The following CCDC152 variants were observed in gnomAD, a reference collection of about 807,000 sequenced individuals.
CCDC152 encodes the protein coiled-coil domain-containing protein 152.
In CCDC152, 37 loss-of-function variants were observed where a neutral mutation model predicts 38.1. The ratio of observed to expected loss-of-function variants is 0.97; its 90% CI spans 0.75 to 1.28. The LOEUF (loss-of-function observed/expected upper bound fraction) is 1.28, where lower values mean the gene tolerates loss of function less well. Ranked by LOEUF, CCDC152 falls within the 50% of genes most tolerant of loss-of-function variation. The pLI is 0.00. For synonymous variants in CCDC152, 83 were observed against 87.1 expected (o/e 0.95, Z 0.26); for missense variants, 259 against 292.1 (o/e 0.89, Z 0.83).
At chr5:42,787,879 G>A (rs1759944283) in intron 6 of CCDC152, among the ~76,000 whole-genome samples, 1 of 152,134 alleles carries the variant, frequency 6.6e-6, no homozygotes. Context: ...TCAATAGATG[G>A]TTGAGTCTTG....
chr5:42,768,805 A>G (rs1759659624), intron 3 of CCDC152, among the ~76,000 whole-genome samples: 2 of 152,214 alleles, frequency 1.3e-5, no homozygotes, highest in Admixed American at 1.3e-4. Context: ...TTGCATGGAC[A>G]TACTTCTTAT....
chr5:42,772,626 G>T (rs1759714645), intron 4 of CCDC152, among the ~76,000 whole-genome samples: 1 of 144,338 alleles, frequency 6.9e-6, no homozygotes, highest in Non-Finnish European at 1.5e-5. Flanking sequence ...ACTCCAGCCT[G>T]GCTGCAGAAC....
intron 1 of CCDC152, among the ~76,000 whole-genome samples, chr5:42,758,204 CA>C (rs1386806662): frequency 6.6e-6 from 1 of 152,150 alleles, no homozygotes; most frequent in Non-Finnish European, 1.5e-5. Context: ...CAAAATATTT[CA>C]AAAGAAGAAA....
At chr5:42,784,136 A>G (rs545734562) in intron 6 of CCDC152, among the ~76,000 whole-genome samples, 3 of 152,204 alleles carry the variant, frequency 2.0e-5, no homozygotes, top group South Asian at 2.1e-4. Context: ...TTGAATAGTA[A>G]TTTTATTTTT....
At chr5:42,773,433 T>A (rs1759727782) in intron 4 of CCDC152, among the ~76,000 whole-genome samples, 1 of 152,228 alleles carries the variant, frequency 6.6e-6, no homozygotes, top group Non-Finnish European at 1.5e-5. Context: ...TAATTATATG[T>A]CACGCATGAT....
intron 2 of CCDC152, among the ~76,000 whole-genome samples, chr5:42,761,188 C>G (rs1759548356): frequency 6.6e-6 from 1 of 151,972 alleles, no homozygotes; most frequent in African/African-American, 2.4e-5. Context: ...ACAAAAATAC[C>G]CAAGAGATAT....
chr5:42,786,551 A>T (rs141653599), intron 6 of CCDC152, among the ~76,000 whole-genome samples: 4 of 152,150 alleles, frequency 2.6e-5, no homozygotes, highest in African/African-American at 9.6e-5. Context: ...CTAGCAAGTG[A>T]TCTATCACTT....
In CCDC152 at chr5:42,801,731, A is replaced by T. The variant is rs1760209138; in HGVS notation, c.*1950A>T. 1 of 206,626 alleles carries T rather than the reference A, an allele frequency of 4.8e-6. No individual in the cohort carries two copies. The highest frequency in any genetic ancestry group is 1.1e-4 in the East Asian group (1 of 9,410). The allele number at this position is 206,626 out of a possible 1,614,324, so 12.8% of individuals were successfully genotyped here. ...CAGGAGTCGGAGACCAGCCTGGGCA[A>T]CATGGCGAGATCCTGTCTCTGCAAA... On this transcript the variant is annotated 3_prime_UTR_variant, in exon 9 of 9. Transcript: ENST00000361970.
intron 5 of CCDC152, among the ~76,000 whole-genome samples, chr5:42,781,599 A>G (rs1759847127): frequency 3.9e-5 from 6 of 152,058 alleles, no homozygotes; most frequent in Admixed American, 3.9e-4. Flanking sequence ...ACACAAATAA[A>G]TACATGTATA....
rs568971878 is a variant in CCDC152, at chr5:42,790,822, G to A, written c.431-6007G>A. Reference sequence around the variant, plus strand: ...CCTATCAAGCTCAGTCATTGACTGGGAGTAGCTCTTGAGAAGTATGACCTC... The same window carrying A: ...CCTATCAAGCTCAGTCATTGACTGGAAGTAGCTCTTGAGAAGTATGACCTC... On this transcript the variant is annotated intron_variant, in intron 6 of 8. Coordinates refer to ENST00000361970, the MANE Select transcript of CCDC152 (RefSeq NM_001134848.2). Among the ~76,000 whole-genome samples, 3 of 152,280 alleles carry A rather than the reference G, an allele frequency of 2.0e-5. No individual in the cohort carries two copies. The South Asian group carries it at 6.2e-4, about 32-fold the overall frequency.
chr5:42,766,744 G>A (rs1018015726), intron 3 of CCDC152, among the ~76,000 whole-genome samples: 5 of 151,912 alleles, frequency 3.3e-5, no homozygotes, highest in African/African-American at 1.2e-4. Context: ...GTAGAAGGAT[G>A]GTTACCAGAG....
chr5:42,790,819 T>C (rs1288885655), intron 6 of CCDC152, among the ~76,000 whole-genome samples: 1 of 152,216 alleles, frequency 6.6e-6, no homozygotes, highest in Non-Finnish European at 1.5e-5. Context: ...AGTCATTGAC[T>C]GGGAGTAGCT....
intron 4 of CCDC152, among the ~76,000 whole-genome samples, chr5:42,770,498 CT>C (rs11290226): frequency 0.26 from 39,173 of 148,274 alleles, 5,629 homozygotes; most frequent in Admixed American, 0.38. Context: ...ATCTACATGT[CT>C]TTTTTTTTTT....
At chr5:42,782,503 A>G (rs1333217372) in intron 5 of CCDC152, among the ~76,000 whole-genome samples, 1 of 152,140 alleles carries the variant, frequency 6.6e-6, no homozygotes, top group Non-Finnish European at 1.5e-5. Flanking sequence ...AGCAGAGAGT[A>G]GAGTGGTGGT....
chr5:42,800,076 T>G lies in CCDC152; in HGVS notation c.*295T>G, dbSNP rs1760147225. On this transcript the variant is annotated 3_prime_UTR_variant, in exon 9 of 9. Coordinates refer to ENST00000361970, the MANE Select transcript of CCDC152 (RefSeq NM_001134848.2). Reference sequence around the variant, plus strand: ...AGACAATATTATCTTTCCCCTTATATCTTTTAAGACAGCCACTCAAGTTTT... The same window carrying G: ...AGACAATATTATCTTTCCCCTTATAGCTTTTAAGACAGCCACTCAAGTTTT... 1 of 262,162 alleles carries G rather than the reference T, an allele frequency of 3.8e-6. No individual in the cohort carries two copies. The highest frequency in any genetic ancestry group is 2.3e-5 in the African/African-American group (1 of 44,406). 16.2% of individuals were successfully genotyped at this position (262,162 alleles called of 1,614,324 possible).
chr5:42,800,009 C>A lies in CCDC152; in HGVS notation c.*228C>A. Reference sequence around the variant, plus strand: ...TATAGGGTTTGGTTTACCTATTAAACCATCATTGACTATGGAAATACTTAC... The same window carrying A: ...TATAGGGTTTGGTTTACCTATTAAAACATCATTGACTATGGAAATACTTAC... On this transcript the variant is annotated 3_prime_UTR_variant, in exon 9 of 9. Coordinates refer to ENST00000361970, the MANE Select transcript of CCDC152 (RefSeq NM_001134848.2). The A allele has an allele frequency of 6.5e-6, 3 of 461,876 alleles. No homozygotes were observed. The highest frequency in any genetic ancestry group is 1.1e-5 in the Non-Finnish European group (3 of 264,070). The allele number at this position is 461,876 out of a possible 1,614,324, so 28.6% of individuals were successfully genotyped here.
chr5:42,775,016 G>C (rs1365055158), intron 4 of CCDC152, among the ~76,000 whole-genome samples: 4 of 112,370 alleles, frequency 3.6e-5, no homozygotes, highest in African/African-American at 1.4e-4. Flanking sequence ...TTCCGAAACT[G>C]AAATTTCAGA....
In CCDC152 at chr5:42,781,549, G is replaced by A. The variant is rs556726948; in HGVS notation, c.328-1925G>A. ...TGAATCCTCACTGAGAAAAATGCGC[G>A]CGCGCGCACACACACACACACACAC... On this transcript the variant is annotated intron_variant, in intron 5 of 8. Transcript: ENST00000361970. 7.9e-3 allele frequency among the ~76,000 whole-genome samples: 491 copies of A among 62,482 alleles called. 5 individuals are homozygous for A. The highest frequency in any genetic ancestry group is 0.023 in the African/African-American group (427 of 18,492). 41.0% of individuals were successfully genotyped at this position (62,482 alleles called of 152,430 possible).
At chr5:42,761,344 G>T (rs1170220024) in intron 2 of CCDC152, among the ~76,000 whole-genome samples, 4 of 152,206 alleles carry the variant, frequency 2.6e-5, no homozygotes, top group African/African-American at 9.7e-5. Context: ...GCCAGGTGCG[G>T]TAGCTCACGC....
Sources: allele counts gnomAD v4.1 joint callset (sites outside exome capture counted in the v4.1 genomes callset), GRCh38; gene constraint gnomAD v4.1.1; transcripts MANE v1.5; gene names NCBI Gene and HGNC (gene_info 2026-07-23, HGNC 2026-07-21).